The following SH3GL3 variants were observed in gnomAD, a reference collection of about 807,000 sequenced individuals.
The protein encoded by SH3GL3 is SH3 domain containing GRB2 like 3, endophilin A3, also known as endophilin-A3.
Under a neutral mutation model 47.7 loss-of-function variants are expected in SH3GL3, and 33 were observed. That is an observed-to-expected ratio of 0.69 (90% CI 0.52 to 0.92). SH3GL3 has a LOEUF of 0.92. Ranked by LOEUF, SH3GL3 falls within the 40% of genes least tolerant of loss-of-function variation. The pLI is 0.00. For missense variants in SH3GL3, 363 were observed against 417.8 expected (o/e 0.87, Z 1.14); for synonymous variants, 155 against 148.8 (o/e 1.04, Z -0.30).
At chr15:83,540,334 T>A (rs1011788871) in intron 1 of SH3GL3, among the ~76,000 whole-genome samples, 2 of 152,178 alleles carry the variant, frequency 1.3e-5, no homozygotes, top group African/African-American at 4.8e-5. Flanking sequence ...ATCTACTGAT[T>A]GTTTTCGTCT....
At chr15:83,592,419 T>C (rs1180439154) in intron 8 of SH3GL3, among the ~76,000 whole-genome samples, 1 of 152,234 alleles carries the variant, frequency 6.6e-6, no homozygotes, top group Admixed American at 6.5e-5. Flanking sequence ...TGCATGACTT[T>C]TCTGACTACT....
At chr15:83,586,874 C>T in intron 6 of SH3GL3, 109 bp from the exon 7 acceptor site, 1 of 554,270 alleles carries the variant, frequency 1.8e-6, no homozygotes, top group Non-Finnish European at 3.2e-6. Flanking sequence ...TGGACCAAGG[C>T]AGACACTGGT....
chr15:83,493,129 A>T (rs569041879), intron 1 of SH3GL3, among the ~76,000 whole-genome samples: 4 of 152,080 alleles, frequency 2.6e-5, no homozygotes, highest in East Asian at 1.9e-4. Flanking sequence ...TTTCTTGGTT[A>T]TTTTTTTAAA....
At chr15:83,625,751 TTATTTC>T in the SH3GL3 span, among the ~76,000 whole-genome samples, 1 of 152,234 alleles carries the variant, frequency 6.6e-6, no homozygotes, top group African/African-American at 2.4e-5. Flanking sequence ...ATTTTAGCCT[TTATTTC>T]TATCACTTAA....
chr15:83,521,357 G>A (rs543934363), intron 1 of SH3GL3, among the ~76,000 whole-genome samples: 91 of 152,266 alleles, frequency 6.0e-4, no homozygotes, highest in African/African-American at 2.1e-3. Flanking sequence ...AATTAAAAAT[G>A]GACACTACCT....
chr15:83,577,926 A>G (rs2059728705), intron 6 of SH3GL3, among the ~76,000 whole-genome samples: 1 of 152,230 alleles, frequency 6.6e-6, no homozygotes, highest in Non-Finnish European at 1.5e-5. Flanking sequence ...GGGGGCGGAC[A>G]GCCGCTGTCA....
chr15:83,555,656 G>C (rs550409036), intron 1 of SH3GL3, among the ~76,000 whole-genome samples: 1 of 152,164 alleles, frequency 6.6e-6, no homozygotes, highest in Non-Finnish European at 1.5e-5. Context: ...GCCACATGTG[G>C]TAGCATCAGA....
intron 8 of SH3GL3, among the ~76,000 whole-genome samples, chr15:83,592,630 A>G (rs1317129550): frequency 6.6e-6 from 1 of 152,194 alleles, no homozygotes; most frequent in Non-Finnish European, 1.5e-5. Context: ...CTCTTTCCCC[A>G]TCTACCCCTT....
chr15:83,462,332 T>C (rs2040341641), intron 1 of SH3GL3, among the ~76,000 whole-genome samples: 1 of 152,238 alleles, frequency 6.6e-6, no homozygotes, highest in African/African-American at 2.4e-5. Flanking sequence ...GACAGGATAA[T>C]GCCATAATTA....
intron 1 of SH3GL3, among the ~76,000 whole-genome samples, chr15:83,527,389 G>A (rs897905979): frequency 6.6e-6 from 1 of 152,116 alleles, no homozygotes; most frequent in East Asian, 1.9e-4. Flanking sequence ...ATATATCTGG[G>A]TGCTTCGGTT....
chr15:83,463,770 T>TC lies in SH3GL3; in HGVS notation c.45+16192_45+16193insC, dbSNP rs1278745119. Among the ~76,000 whole-genome samples, 197 of 144,658 alleles carry TC rather than the reference T, an allele frequency of 1.4e-3. 1 individual carries two copies. The South Asian group carries it at 0.041, about 30-fold the overall frequency. 94.9% of individuals were successfully genotyped at this position (144,658 alleles called of 152,430 possible). On this transcript the variant is annotated intron_variant, in intron 1 of 8. Transcript: ENST00000427482. ...CCCATGTCTGCTTTCTTTCTTTCTTTTTTTTTTTTTTTTTTTGAGACAGAG... is the reference window on the plus strand; with the variant it reads ...CCCATGTCTGCTTTCTTTCTTTCTTTCTTTTTTTTTTTTTTTTGAGACAGAG...
At chr15:83,590,223 G>A (rs887722197) in intron 8 of SH3GL3, among the ~76,000 whole-genome samples, 1 of 151,992 alleles carries the variant, frequency 6.6e-6, no homozygotes, top group African/African-American at 2.4e-5. Flanking sequence ...GGAGTGCCTT[G>A]TCCCTTTGTT....
chr15:83,493,173 A>G (rs1366740880), intron 1 of SH3GL3, among the ~76,000 whole-genome samples: 13 of 152,172 alleles, frequency 8.5e-5, no homozygotes, highest in Non-Finnish European at 1.3e-4. Context: ...TCCACATTGC[A>G]GTATTTACAA....
rs891710865 is a variant in SH3GL3 at position 83,585,717 on chromosome 15, G to C, written c.625-1266G>C. On this transcript the variant is annotated intron_variant, in intron 6 of 8. Coordinates refer to ENST00000427482, the MANE Select transcript of SH3GL3 (RefSeq NM_003027.5). ...TTTTTGGAAATTTAAGGCTAGGCTT[G>C]TTGCTTTTCCAGCCACAGAGCATGG... Among the ~76,000 whole-genome samples the C allele has an allele frequency of 4.6e-5, 7 of 152,300 alleles. No homozygotes were observed. In the South Asian group the frequency reaches 1.4e-3, roughly 32 times the overall value.
intron 1 of SH3GL3, among the ~76,000 whole-genome samples, chr15:83,516,000 T>G (rs894122422): frequency 6.6e-5 from 10 of 152,178 alleles, no homozygotes; most frequent in African/African-American, 2.2e-4. Flanking sequence ...AATATTCAGT[T>G]GGTTTCATTC....
downstream of SH3GL3, among the ~76,000 whole-genome samples, chr15:83,619,721 G>A (rs532532098): frequency 1.3e-5 from 2 of 152,316 alleles, no homozygotes; most frequent in South Asian, 4.1e-4. Context: ...TATTTTTGCT[G>A]CTGGAAGTTC....
the SH3GL3 span, among the ~76,000 whole-genome samples, chr15:83,631,447 GC>G: frequency 3.5e-3 from 535 of 152,338 alleles, 5 homozygotes; most frequent in South Asian, 0.014. Flanking sequence ...CTCCATGAGA[GC>G]CCCATCCCTG....
intron 3 of SH3GL3, among the ~76,000 whole-genome samples, chr15:83,567,840 C>A (rs2045625273): frequency 6.6e-6 from 1 of 152,132 alleles, no homozygotes; most frequent in Non-Finnish European, 1.5e-5. Context: ...ACACAGGTGT[C>A]AGTGTCTGAC....
intron 8 of SH3GL3, among the ~76,000 whole-genome samples, chr15:83,589,205 G>C (rs1419277619): frequency 6.6e-6 from 1 of 150,832 alleles, no homozygotes; most frequent in Non-Finnish European, 1.5e-5. Context: ...TAATCAAACA[G>C]AAAAAAAAAT....
Sources: allele counts gnomAD v4.1 joint callset (sites outside exome capture counted in the v4.1 genomes callset), GRCh38; gene constraint gnomAD v4.1.1; transcripts MANE v1.5; gene names NCBI Gene and HGNC (gene_info 2026-07-23, HGNC 2026-07-21).